The following CNTNAP2 variants were observed in gnomAD, a reference collection of about 807,000 sequenced individuals.
CNTNAP2 encodes contactin associated protein 2, also known as contactin-associated protein-like 2.
In CNTNAP2, 98 loss-of-function variants were observed where a neutral mutation model predicts 155.2. The observed-to-expected ratio is 0.63, with a 90% confidence interval of 0.54 to 0.75. The LOEUF (loss-of-function observed/expected upper bound fraction) is 0.75. Among genes scored for constraint, CNTNAP2 ranks in the 30% least tolerant of loss-of-function variants. CNTNAP2 has a pLI of 0.00. For synonymous variants in CNTNAP2, 651 were observed against 631.2 expected, an observed-to-expected ratio of 1.03 and a Z score of -0.47; for missense variants, 1,727 against 1,688.1, an observed-to-expected ratio of 1.02 and a Z score of -0.40.
chr7:146,446,638 T>C (rs1168452789), intron 1 of CNTNAP2, among the ~76,000 whole-genome samples: 1 of 152,120 alleles, frequency 6.6e-6, no homozygotes, highest in Non-Finnish European at 1.5e-5. Context: ...GAGAAGTTGG[T>C]GAAGGTAGCT....
rs184927433 is a variant in CNTNAP2, at chr7:147,886,617, A to G, written c.2099-16948A>G. Among the ~76,000 whole-genome samples the G allele has an allele frequency of 6.6e-5, 10 of 150,440 alleles. No homozygotes were observed. The Admixed American group carries it at 6.6e-4, about 10-fold the overall frequency. On this transcript the variant is annotated intron_variant, in intron 13 of 23. Coordinates refer to ENST00000361727, the MANE Select transcript of CNTNAP2 (RefSeq NM_014141.6). ...TCAACCAGGGTGCTACTGGCATTTG[A>G]GGTGTGACATTTATTGTGCAGAACT...
At chr7:148,038,121 A>G (rs1802604395) in intron 15 of CNTNAP2, among the ~76,000 whole-genome samples, 1 of 152,248 alleles carries the variant, frequency 6.6e-6, no homozygotes, top group Non-Finnish European at 1.5e-5. Context: ...GTAAACAATC[A>G]TGGTATTCTT....
At chr7:148,137,687 A>AGGAAGGAAGGAT (rs1332022954) in intron 16 of CNTNAP2, among the ~76,000 whole-genome samples, 18 of 131,662 alleles carry the variant, frequency 1.4e-4, no homozygotes, top group African/African-American at 5.2e-4. Flanking sequence ...GAAGGAAGGA[A>AGGAAGGAAGGAT]GGAAGGAAGG....
chr7:147,798,771 G>C (rs146006247), intron 13 of CNTNAP2, among the ~76,000 whole-genome samples: 1 of 152,138 alleles, frequency 6.6e-6, no homozygotes, highest in South Asian at 2.1e-4. Context: ...TAGGGATAAA[G>C]GTATCCTCTC....
chr7:147,268,519 G>C (rs1308253662), intron 8 of CNTNAP2, among the ~76,000 whole-genome samples: 1 of 152,236 alleles, frequency 6.6e-6, no homozygotes, highest in African/African-American at 2.4e-5. Context: ...TGCAGGGTGT[G>C]GGGTAGGGGA....
rs180965393 is a variant in CNTNAP2 at position 148,284,257 on chromosome 7, T to C, written c.3475+17131T>C. Among the ~76,000 whole-genome samples, 8 of 152,266 alleles carry C rather than the reference T, an allele frequency of 5.3e-5. No individual in the cohort carries two copies. In the East Asian group the frequency reaches 1.5e-3, roughly 29 times the overall value. ...GTGGGAGGGACCCGATGGGAGATAA[T>C]TGAATCATGGGGGGGTTTCCCCCAT... On this transcript the variant is annotated intron_variant, in intron 21 of 23. Coordinates refer to ENST00000361727, the MANE Select transcript of CNTNAP2 (RefSeq NM_014141.6).
chr7:147,276,050 T>G (rs2116715304), intron 8 of CNTNAP2, among the ~76,000 whole-genome samples: 1 of 152,166 alleles, frequency 6.6e-6, no homozygotes, highest in South Asian at 2.1e-4. Context: ...TGCTCTTGGA[T>G]TTGGCTTGCT....
chr7:148,096,817 C>G (rs1456120722), intron 15 of CNTNAP2, among the ~76,000 whole-genome samples: 1 of 152,154 alleles, frequency 6.6e-6, no homozygotes, highest in Admixed American at 6.5e-5. Context: ...CTGTCCCGAG[C>G]AAAAGAGCTT....
chr7:147,205,050 G>C (rs997566157), intron 8 of CNTNAP2, among the ~76,000 whole-genome samples: 9 of 152,106 alleles, frequency 5.9e-5, no homozygotes, highest in Non-Finnish European at 1.0e-4. Flanking sequence ...ACACTATGAA[G>C]TTCAATATGA....
intron 1 of CNTNAP2, among the ~76,000 whole-genome samples, chr7:146,454,090 A>G (rs1334753888): frequency 1.3e-5 from 2 of 152,214 alleles, no homozygotes; most frequent in African/African-American, 4.8e-5. Context: ...GGTTAAAACT[A>G]AAGATAAAGA....
intron 1 of CNTNAP2, among the ~76,000 whole-genome samples, chr7:146,213,071 C>T (rs761215402): frequency 3.9e-5 from 6 of 152,140 alleles, no homozygotes; most frequent in African/African-American, 7.2e-5. Context: ...ATTTTATCAA[C>T]GACTGGGGAG....
chr7:146,862,228 C>T (rs932628248), intron 3 of CNTNAP2, among the ~76,000 whole-genome samples: 3 of 152,034 alleles, frequency 2.0e-5, no homozygotes, highest in Non-Finnish European at 2.9e-5. Flanking sequence ...AAGTACTTAG[C>T]GTTTGATATA....
intron 1 of CNTNAP2, among the ~76,000 whole-genome samples, chr7:146,577,094 A>G (rs1479967228): frequency 3.3e-5 from 5 of 152,184 alleles, no homozygotes; most frequent in African/African-American, 1.2e-4. Flanking sequence ...AGATTAGCCT[A>G]ATATAATAAA....
chr7:146,912,695 A>G (rs1796308404), intron 3 of CNTNAP2, among the ~76,000 whole-genome samples: 1 of 152,132 alleles, frequency 6.6e-6, no homozygotes, highest in Non-Finnish European at 1.5e-5. Flanking sequence ...CATTTGTGGC[A>G]TAATTTTCTT....
chr7:146,876,646 T>G (rs768193441), intron 3 of CNTNAP2, among the ~76,000 whole-genome samples: 1 of 152,180 alleles, frequency 6.6e-6, no homozygotes, highest in African/African-American at 2.4e-5. Context: ...CTAGACATAC[T>G]GATTTAAAAC....
intron 10 of CNTNAP2, among the ~76,000 whole-genome samples, chr7:147,448,249 A>G (rs537202398): frequency 3.9e-5 from 6 of 152,248 alleles, no homozygotes; most frequent in African/African-American, 1.2e-4. Context: ...TAAAAACACA[A>G]TGTTGAAGAG....
chr7:147,048,067 A>ATTTTTTTTTTTTTTTTTTTTTTTTT (rs11352009), intron 4 of CNTNAP2, among the ~76,000 whole-genome samples: 1 of 90,376 alleles, frequency 1.1e-5, no homozygotes, highest in African/African-American at 5.4e-5. Context: ...CGGAGAGACA[A>ATTTTTTTTTTTTTTTTTTTTTTTTT]TTTTTTTTTT....
At chr7:147,145,171 A>G (rs904061441) in intron 8 of CNTNAP2, among the ~76,000 whole-genome samples, 1 of 152,136 alleles carries the variant, frequency 6.6e-6, no homozygotes, top group Non-Finnish European at 1.5e-5. Context: ...ACCATTTCTA[A>G]TTTCCTTTTG....
At chr7:148,076,182 TGTCCATGGA>T (rs1240764005) in intron 15 of CNTNAP2, among the ~76,000 whole-genome samples, 2 of 152,206 alleles carry the variant, frequency 1.3e-5, no homozygotes, top group Non-Finnish European at 2.9e-5. Flanking sequence ...TGGCAAATAC[TGTCCATGGA>T]GACCAGTAGT....
Sources: gnomAD v4.1 joint callset for allele counts (sites outside exome capture counted in the v4.1 genomes callset) on GRCh38, gnomAD v4.1.1 for gene constraint, MANE v1.5 for transcripts, NCBI Gene and HGNC (gene_info 2026-07-23, HGNC 2026-07-21) for gene names.